C10orf90: variants seen among roughly 807,000 people sequenced by gnomAD.
The protein encoded by C10orf90 is (E2-independent) E3 ubiquitin-conjugating enzyme FATS.
A neutral mutation model predicts 62.5 loss-of-function variants in C10orf90; 56 were observed. The ratio of observed to expected loss-of-function variants is 0.90; its 90% CI spans 0.72 to 1.12. The LOEUF (loss-of-function observed/expected upper bound fraction) is 1.12. C10orf90 is among the 50% of genes most tolerant of loss of function. The pLI is 0.00. For missense variants in C10orf90, 970 were observed against 880.4 expected (o/e 1.10, Z -1.29); for synonymous variants, 386 against 340.4 (o/e 1.13, Z -1.47).
At chr10:126,664,737 C>T (rs1846590901) in intron 1 of C10orf90, among the ~76,000 whole-genome samples, 1 of 152,192 alleles carries the variant, frequency 6.6e-6, no homozygotes, top group Non-Finnish European at 1.5e-5. Context: ...CACACTTGAC[C>T]TCTCATTAAA....
rs758286679 is a variant in C10orf90 at position 126,504,471 on chromosome 10, C to G, written c.1020G>C (p.Lys340Asn). The G allele has an allele frequency of 6.2e-7, 1 of 1,614,224 alleles. No individual in the cohort carries two copies. The highest frequency in any genetic ancestry group is 8.5e-7 in the Non-Finnish European group (1 of 1,180,034). Residue 340 changes from lysine to asparagine, a missense_variant, in exon 4 of 10, where the codon AAG becomes AAC. By Grantham distance (94) the Lys-to-Asn change is moderately conservative (BLOSUM62 0). Coordinates refer to ENST00000488181, the MANE Select transcript of C10orf90 (RefSeq NM_001350921.2). This position sits in a 1 kb window ranked among gnomAD's most constrained non-coding sequence, Gnocchi z 4.1. ...SFSPDTPLSGKSPLVFSSCVH... is the reference protein window; with the variant it reads ...SFSPDTPLSGNSPLVFSSCVH... ...CACAGGAACTGAACACCAGCGGGCT[C>G]TTTCCTGACAGTGGGGTGTCTGGAG...
intron 2 of C10orf90, among the ~76,000 whole-genome samples, chr10:126,616,094 G>C (rs1262502135): frequency 6.6e-6 from 1 of 152,208 alleles, no homozygotes; most frequent in African/African-American, 2.4e-5. Flanking sequence ...GAGATACACA[G>C]GCCCCCCACC....
intron 2 of C10orf90, among the ~76,000 whole-genome samples, chr10:126,599,864 G>C (rs755953729): frequency 1.3e-5 from 2 of 152,196 alleles, no homozygotes; most frequent in African/African-American, 2.4e-5. Flanking sequence ...GCACTGGTGC[G>C]TTTTCACTTC....
intron 1 of C10orf90, among the ~76,000 whole-genome samples, chr10:126,651,717 T>C (rs955322684): frequency 6.6e-6 from 1 of 152,144 alleles, no homozygotes; most frequent in East Asian, 1.9e-4. Context: ...CCACTAACTT[T>C]GCCTGTCTGG....
At chr10:126,616,364 T>C (rs930106825) in intron 2 of C10orf90, among the ~76,000 whole-genome samples, 6 of 152,290 alleles carry the variant, frequency 3.9e-5, no homozygotes, top group African/African-American at 1.4e-4. Context: ...ACCGGAGGAT[T>C]TGATGAGCAT....
intron 7 of C10orf90, among the ~76,000 whole-genome samples, chr10:126,454,176 C>T (rs1458522186): frequency 6.6e-6 from 1 of 152,054 alleles, no homozygotes; most frequent in Non-Finnish European, 1.5e-5. Flanking sequence ...TGTATCCTTA[C>T]TGCCTGCAGT....
At chr10:126,565,212 ATAATTTTTATATTAC>A (rs1844329237) in intron 2 of C10orf90, among the ~76,000 whole-genome samples, 1 of 59,218 alleles carries the variant, frequency 1.7e-5, no homozygotes, top group East Asian at 6.3e-4. Flanking sequence ...ATTATGTAAT[ATAATTTTTATATTAC>A]ATATTATGTA....
At chr10:126,562,878 A>G (rs1050072011) in intron 2 of C10orf90, among the ~76,000 whole-genome samples, 14 of 152,204 alleles carry the variant, frequency 9.2e-5, no homozygotes, top group Non-Finnish European at 1.9e-4. Context: ...ACTCGCACAC[A>G]GCGCAGAGAC....
chr10:126,459,981 T>C (rs973235101), intron 6 of C10orf90, among the ~76,000 whole-genome samples: 5 of 152,228 alleles, frequency 3.3e-5, no homozygotes, highest in Non-Finnish European at 4.4e-5. Context: ...TTCTTTCCAT[T>C]TGACAGATGC....
At chr10:126,458,820 A>G (rs1859754750) in intron 7 of C10orf90, among the ~76,000 whole-genome samples, 1 of 152,184 alleles carries the variant, frequency 6.6e-6, no homozygotes, top group South Asian at 2.1e-4. Context: ...TGGTGTCCCA[A>G]GTTGTTTCTG....
rs79335043 is a variant in C10orf90, at chr10:126,578,498, A to T, written c.314-64559T>A. Among the ~76,000 whole-genome samples the T allele has an allele frequency of 2.5e-3, 375 of 152,312 alleles. 3 individuals carry two copies. The highest frequency in any genetic ancestry group is 7.9e-3 in the African/African-American group (328 of 41,584). On this transcript the variant is annotated intron_variant, in intron 2 of 9. Transcript: ENST00000488181. ...TGGAAAATGCCAAGTGTTAGCAAGG[A>T]TATGGAGCAACTAAAATTCTCAAGT...
chr10:126,596,337 C>A (rs980104205), intron 2 of C10orf90, among the ~76,000 whole-genome samples: 1 of 150,726 alleles, frequency 6.6e-6, no homozygotes, highest in Admixed American at 6.6e-5. Context: ...TTGGACTTTG[C>A]CAAAATTAAA....
At chr10:126,565,106 A>T (rs1280504378) in intron 2 of C10orf90, among the ~76,000 whole-genome samples, 1 of 42,744 alleles carries the variant, frequency 2.3e-5, no homozygotes, top group Admixed American at 4.7e-4. Context: ...ATAATATATA[A>T]AATATATATT....
At chr10:126,635,065 C>T (rs67096476) in intron 2 of C10orf90, among the ~76,000 whole-genome samples, 12,366 of 152,224 alleles carry the variant, frequency 0.081, 579 homozygotes, top group Middle Eastern at 0.15. Flanking sequence ...TGTTTAATCA[C>T]CCTTACAGAT....
At chr10:126,615,107 C>T (rs1845514485) in intron 2 of C10orf90, among the ~76,000 whole-genome samples, 1 of 152,150 alleles carries the variant, frequency 6.6e-6, no homozygotes, top group Non-Finnish European at 1.5e-5. Context: ...GGAGGCTGGG[C>T]TGAGGTTATT....
intron 8 of C10orf90, among the ~76,000 whole-genome samples, chr10:126,427,740 G>A (rs1426321060): frequency 6.6e-6 from 1 of 152,212 alleles, no homozygotes; most frequent in Non-Finnish European, 1.5e-5. Flanking sequence ...TTCAGCCACA[G>A]ACTGAAGCCT....
intron 4 of C10orf90, among the ~76,000 whole-genome samples, chr10:126,500,110 C>T (rs1225496911): frequency 6.6e-6 from 1 of 152,190 alleles, no homozygotes; most frequent in Non-Finnish European, 1.5e-5. Context: ...TGGCTTATTA[C>T]ATTTTTTCAT....
At chr10:126,430,130 C>A (rs554859917) in intron 7 of C10orf90, among the ~76,000 whole-genome samples, 5 of 152,198 alleles carry the variant, frequency 3.3e-5, no homozygotes, top group African/African-American at 1.2e-4. Context: ...CTTCCTTTAG[C>A]AACAGAGTCA....
At chr10:126,568,301 T>G (rs1487949969) in intron 2 of C10orf90, among the ~76,000 whole-genome samples, 1 of 152,172 alleles carries the variant, frequency 6.6e-6, no homozygotes, top group East Asian at 1.9e-4. Flanking sequence ...CTTGGGATCC[T>G]CCTCCCAGCA....
Sources: gnomAD v4.1 joint callset for allele counts (sites outside exome capture counted in the v4.1 genomes callset) on GRCh38, gnomAD v4.1.1 for gene constraint, Gnocchi (gnomAD v3.1) non-coding constraint, MANE v1.5 for transcripts, NCBI Gene and HGNC (gene_info 2026-07-23, HGNC 2026-07-21) for gene names.